Variants in HIP1 observed in about 807,000 individuals in gnomAD.
HIP1 encodes the protein huntingtin interacting protein 1.
HIP1 carries 65 observed loss-of-function variants against 147.6 expected under a neutral mutation model. The ratio of observed to expected loss-of-function variants is 0.44; its 90% confidence interval spans 0.36 to 0.54. The LOEUF (loss-of-function observed/expected upper bound fraction) is 0.54, where lower values mean the gene tolerates loss of function less well. HIP1 is among the 20% of genes least tolerant of loss of function. The pLI is 0.00. For missense variants in HIP1, 1,061 were observed against 1,299.6 expected, an observed-to-expected ratio of 0.82 and a Z score of 2.82; for synonymous variants, 479 against 504.0, an observed-to-expected ratio of 0.95 and a Z score of 0.67.
At chr7:75,569,373 T>C (rs1795526483) in intron 8 of HIP1, among the ~76,000 whole-genome samples, 1 of 151,762 alleles carries the variant, frequency 6.6e-6, no homozygotes, top group African/African-American at 2.4e-5. Flanking sequence ...GGAGGCTGAG[T>C]GGGGAGCATC....
intron 27 of HIP1, among the ~76,000 whole-genome samples, 161 bp from the exon 28 acceptor site, chr7:75,543,135 T>A (rs1242929009): frequency 6.6e-6 from 1 of 152,172 alleles, no homozygotes; most frequent in Non-Finnish European, 1.5e-5. Flanking sequence ...CTGACATATC[T>A]ATCATATAAA....
intron 1 of HIP1, among the ~76,000 whole-genome samples, chr7:75,710,047 TTC>T (rs1801124463): frequency 6.6e-6 from 1 of 152,024 alleles, no homozygotes; most frequent in Non-Finnish European, 1.5e-5. Context: ...AATTTTTCTT[TTC>T]TTTTTTATTT....
chr7:75,719,554 C>T (rs1456867781), intron 1 of HIP1, among the ~76,000 whole-genome samples: 1 of 151,836 alleles, frequency 6.6e-6, no homozygotes, highest in Admixed American at 6.6e-5. Flanking sequence ...TCAATGCTCA[C>T]ATACATGTCA....
At chr7:75,615,533 C>A (rs1797623850) in intron 1 of HIP1, among the ~76,000 whole-genome samples, 1 of 151,686 alleles carries the variant, frequency 6.6e-6, no homozygotes, top group Non-Finnish European at 1.5e-5. Context: ...TCATGAATGA[C>A]AGATGGAGAC....
rs1202110747 is a variant in HIP1, at chr7:75,589,730, G to GT, written c.384+2325dup. Among the ~76,000 whole-genome samples, 22 of 135,190 alleles carry GT rather than the reference G, an allele frequency of 1.6e-4. 1 individual carries two copies. The highest frequency in any genetic ancestry group is 4.7e-4 in the South Asian group (2 of 4,270). 88.7% of individuals were successfully genotyped at this position (135,190 alleles called of 152,430 possible). ...AAAAAAAAAAAGACTTTTTTTTTGG[G>GT]TTTTTTTTGTTTTTTTTTGAGACGA... On this transcript the variant is annotated intron_variant, in intron 4 of 30. Coordinates refer to ENST00000336926, the MANE Select transcript of HIP1 (RefSeq NM_005338.7).
intron 1 of HIP1, among the ~76,000 whole-genome samples, chr7:75,656,920 C>A (rs901603705): frequency 1.3e-5 from 2 of 152,204 alleles, no homozygotes; most frequent in Non-Finnish European, 2.9e-5. Context: ...CCCTGGGAAT[C>A]TATCCTAGAG....
At chr7:75,654,521 A>G (rs1428181096) in intron 1 of HIP1, 1 of 152,254 alleles carries the variant, frequency 6.6e-6, no homozygotes, top group African/African-American at 2.4e-5. Flanking sequence ...TCTGGAGTTC[A>G]TTTGGCCATC....
intron 7 of HIP1, among the ~76,000 whole-genome samples, chr7:75,577,101 G>A (rs1162208765): frequency 6.6e-6 from 1 of 152,092 alleles, no homozygotes; most frequent in Admixed American, 6.6e-5. Flanking sequence ...GGAGGCTGAG[G>A]TGGAAGGATC....
chr7:75,554,292 TTATGAGTTGCCTACATGCCTTTCTTG>T lies in HIP1; in HGVS notation c.2051-98_2051-73del, dbSNP rs587773320. 5.6e-4 allele frequency: 775 copies of T among 1,384,812 alleles called. 2 individuals are homozygous for T. Among genetic ancestry groups the T allele is most frequent in the Middle Eastern group, 2.7e-3 (15 of 5,610 alleles). The allele number at this position is 1,384,812 out of a possible 1,614,324, so 85.8% of individuals were successfully genotyped here. On this transcript the variant is annotated intron_variant, in intron 20 of 30. Coordinates refer to ENST00000336926, the MANE Select transcript of HIP1 (RefSeq NM_005338.7). ...CACTTTCATACCCTCTCCTCCCGTT[TTATGAGTTGCCTACATGCCTTTCTTG>T]TATGAGTTGCCTACATGCCTTTCTT...
intron 6 of HIP1, among the ~76,000 whole-genome samples, chr7:75,581,594 C>T (rs781840977): frequency 5.9e-5 from 9 of 152,166 alleles, no homozygotes; most frequent in African/African-American, 9.7e-5. Flanking sequence ...GCCTGGCCAA[C>T]GCGGCGAAAC....
At chr7:75,650,479 G>C (rs1359719708) in intron 1 of HIP1, among the ~76,000 whole-genome samples, 1 of 102,524 alleles carries the variant, frequency 9.8e-6, no homozygotes, top group Non-Finnish European at 2.1e-5. Context: ...TTGAGACAGA[G>C]TCTCCCTCTG....
intron 1 of HIP1, chr7:75,639,148 G>A (rs1236406789): frequency 4.1e-6 from 4 of 984,416 alleles, no homozygotes; most frequent in Non-Finnish European, 4.8e-6. Context: ...GCGCCCCGAG[G>A]GTGCCATGCT....
chr7:75,687,947 T>C (rs1048987312), intron 1 of HIP1, among the ~76,000 whole-genome samples: 18 of 152,052 alleles, frequency 1.2e-4, no homozygotes, highest in Admixed American at 2.0e-4. Context: ...CTGGATTTTC[T>C]CTCTTGAGTC....
chr7:75,568,288 A>G lies in HIP1; in HGVS notation c.746-32T>C, dbSNP rs587616985. 37 of 1,494,522 alleles carry G rather than the reference A, an allele frequency of 2.5e-5. No homozygotes were observed. In the African/African-American group the frequency reaches 4.4e-4, roughly 18 times the overall value. The allele number at this position is 1,494,522 out of a possible 1,614,324, so 92.6% of individuals were successfully genotyped here. On this transcript the variant is annotated intron_variant, in intron 8 of 30. Transcript: ENST00000336926. This position sits in a 1 kb window ranked among gnomAD's most constrained non-coding sequence, Gnocchi z 4.1. ...GAAATTGGAAAGAGTGTGAGAGGGG[A>G]GGGGGACCAGAGGGCAGGGAAGCCA...
chr7:75,538,471 G>A (rs948498430), intron 30 of HIP1, among the ~76,000 whole-genome samples: 2 of 151,744 alleles, frequency 1.3e-5, no homozygotes, highest in Non-Finnish European at 2.9e-5. Flanking sequence ...TCGACATGCA[G>A]ACAACAACAT....
At chr7:75,710,343 C>A (rs1801134913) in intron 1 of HIP1, among the ~76,000 whole-genome samples, 1 of 152,152 alleles carries the variant, frequency 6.6e-6, no homozygotes. Flanking sequence ...ACCATCCTTG[C>A]ATTCTGGCAA....
chr7:75,708,647 A>G (rs1256267594), intron 1 of HIP1, among the ~76,000 whole-genome samples: 1 of 152,160 alleles, frequency 6.6e-6, no homozygotes, highest in Non-Finnish European at 1.5e-5. Flanking sequence ...ACTCTGTTGA[A>G]AAATCATTTA....
rs1184339300 is a variant in HIP1, at chr7:75,663,960, GTATATA to G, written c.121-64719_121-64714del. 2.1e-4 allele frequency among the ~76,000 whole-genome samples: 11 copies of G among 52,962 alleles called. 2 individuals carry two copies. The highest frequency in any genetic ancestry group is 1.3e-3 in the South Asian group (2 of 1,562). 34.7% of individuals were successfully genotyped at this position (52,962 alleles called of 152,430 possible). On this transcript the variant is annotated intron_variant, in intron 1 of 30. Transcript: ENST00000336926. ...TATATATATATATACACATATATGT[GTATATA>G]TATATACACATATATGTGTATATAT...
At chr7:75,569,764 AAACTC>A (rs1178615318) in intron 8 of HIP1, among the ~76,000 whole-genome samples, 4 of 152,172 alleles carry the variant, frequency 2.6e-5, no homozygotes, top group African/African-American at 9.7e-5. Context: ...ATTCTACAAA[AAACTC>A]AGAACTGTCA....
Sources: allele counts gnomAD v4.1 joint callset (sites outside exome capture counted in the v4.1 genomes callset), GRCh38; gene constraint gnomAD v4.1.1; non-coding constraint Gnocchi (gnomAD v3.1); transcripts MANE v1.5; gene names NCBI Gene and HGNC (gene_info 2026-07-23, HGNC 2026-07-21).